PCDH7: variants seen among roughly 807,000 people sequenced by gnomAD.
The protein encoded by PCDH7 is protocadherin-7.
A neutral mutation model predicts 58.9 loss-of-function variants in PCDH7; 17 were observed. The observed-to-expected ratio is 0.29, with a 90% CI of 0.20 to 0.43. PCDH7 has a LOEUF of 0.43. Among genes scored for constraint, PCDH7 ranks in the 20% least tolerant of loss-of-function variants. The pLI is 1.00. For missense variants in PCDH7, 1,274 were observed against 1,441.0 expected, an observed-to-expected ratio of 0.88 and a Z score of 1.88; for synonymous variants, 664 against 616.4, an observed-to-expected ratio of 1.08 and a Z score of -1.14.
intron 3 of PCDH7, among the ~76,000 whole-genome samples, chr4:30,964,281 T>C (rs5029750): frequency 6.7e-6 from 1 of 149,362 alleles, no homozygotes; most frequent in East Asian, 2.0e-4. Context: ...TGGCTCTGTC[T>C]CCCAGGCTGG....
At chr4:31,130,377 G>A (rs1173022110) in intron 3 of PCDH7, among the ~76,000 whole-genome samples, 2 of 152,092 alleles carry the variant, frequency 1.3e-5, no homozygotes, top group East Asian at 1.9e-4. Flanking sequence ...ATTCTTTAGT[G>A]TATTCTAAAA....
chr4:30,991,727 T>C (rs1049123377), intron 3 of PCDH7, among the ~76,000 whole-genome samples: 2 of 152,148 alleles, frequency 1.3e-5, no homozygotes, highest in Non-Finnish European at 2.9e-5. Context: ...TTCTAGATTA[T>C]TTTTCTTGGC....
At chr4:31,054,335 C>T (rs1000457002) in intron 3 of PCDH7, among the ~76,000 whole-genome samples, 4 of 152,170 alleles carry the variant, frequency 2.6e-5, no homozygotes, top group African/African-American at 7.2e-5. Context: ...AAAGCAGCCA[C>T]AACAAATTTA....
At chr4:31,091,654 G>A (rs1233050627) in intron 3 of PCDH7, among the ~76,000 whole-genome samples, 2 of 151,820 alleles carry the variant, frequency 1.3e-5, no homozygotes, top group African/African-American at 2.4e-5. Context: ...TGATGAAAAA[G>A]AATTTTATAT....
At chr4:30,735,493 T>A (rs1025796978), downstream of PCDH7, among the ~76,000 whole-genome samples, 26 of 152,148 alleles carry the variant, frequency 1.7e-4, no homozygotes, top group Admixed American at 1.6e-3. Flanking sequence ...GAAGGACTCC[T>A]CCTTTAAAGT....
chr4:30,977,722 T>C (rs1187716987), intron 3 of PCDH7, among the ~76,000 whole-genome samples: 3 of 152,164 alleles, frequency 2.0e-5, no homozygotes, highest in African/African-American at 7.2e-5. Flanking sequence ...GTGTGAGTCA[T>C]GGAGGTTTTG....
At chr4:30,964,059 A>G (rs1748741405) in intron 3 of PCDH7, among the ~76,000 whole-genome samples, 2 of 152,222 alleles carry the variant, frequency 1.3e-5, no homozygotes, top group Middle Eastern at 3.4e-3. Flanking sequence ...TGCATTGTCT[A>G]TTGGCATTGA....
At chr4:30,912,779 G>T (rs1741963087) in intron 1 of PCDH7, among the ~76,000 whole-genome samples, 1 of 152,124 alleles carries the variant, frequency 6.6e-6, no homozygotes, top group South Asian at 2.1e-4. Flanking sequence ...AGTGTCACTA[G>T]GTTATAAAAA....
chr4:31,111,437 T>C (rs1316041129), intron 3 of PCDH7, among the ~76,000 whole-genome samples: 1 of 151,934 alleles, frequency 6.6e-6, no homozygotes, highest in Non-Finnish European at 1.5e-5. Flanking sequence ...GCCTCCCAAG[T>C]AGCAGGGATT....
intron 3 of PCDH7, among the ~76,000 whole-genome samples, chr4:31,106,876 T>C (rs1028941643): frequency 4.6e-5 from 7 of 152,234 alleles, no homozygotes; most frequent in Admixed American, 6.5e-5. Context: ...GACATTAGTC[T>C]GTAGATTTTG....
At chr4:31,031,120 T>C (rs998941431) in intron 3 of PCDH7, among the ~76,000 whole-genome samples, 2 of 152,208 alleles carry the variant, frequency 1.3e-5, no homozygotes, top group African/African-American at 2.4e-5. Context: ...AAGATCATAT[T>C]TGATGTAGGC....
chr4:31,063,328 C>T (rs371672595), intron 3 of PCDH7, among the ~76,000 whole-genome samples: 21 of 151,628 alleles, frequency 1.4e-4, no homozygotes, highest in Admixed American at 2.0e-4. Context: ...TTTCTAATGC[C>T]GACAAATTTT....
At chr4:30,837,844 T>C (rs1189966093) in intron 1 of PCDH7, among the ~76,000 whole-genome samples, 1 of 149,050 alleles carries the variant, frequency 6.7e-6, no homozygotes, top group African/African-American at 2.4e-5. Context: ...CTAAAAATAA[T>C]TGATTTTATA....
chr4:30,763,675 C>T (rs1304161489), intron 1 of PCDH7, among the ~76,000 whole-genome samples: 1 of 152,162 alleles, frequency 6.6e-6, no homozygotes, highest in Non-Finnish European at 1.5e-5. Flanking sequence ...CTCAGTATTT[C>T]TCAAATCCCT....
chr4:31,080,382 G>T (rs1416123633), intron 3 of PCDH7, among the ~76,000 whole-genome samples: 1 of 151,870 alleles, frequency 6.6e-6, no homozygotes, highest in Admixed American at 6.6e-5. Flanking sequence ...AAAAATATCA[G>T]AATTTCTTGA....
At chr4:31,069,830 CTAATATAT>C (rs1758394785) in intron 3 of PCDH7, among the ~76,000 whole-genome samples, 1 of 92,168 alleles carries the variant, frequency 1.1e-5, no homozygotes, top group Non-Finnish European at 2.3e-5. Context: ...TGGCTATTTT[CTAATATAT>C]ATTTTATATA....
intron 1 of PCDH7, among the ~76,000 whole-genome samples, chr4:30,791,673 G>T (rs1724137202): frequency 6.6e-6 from 1 of 152,136 alleles, no homozygotes; most frequent in Non-Finnish European, 1.5e-5. Flanking sequence ...TCCAGTTTCT[G>T]GTCTGCTATA....
intron 3 of PCDH7, among the ~76,000 whole-genome samples, chr4:31,064,170 G>A (rs1166995470): frequency 6.6e-6 from 1 of 151,918 alleles, no homozygotes; most frequent in African/African-American, 2.4e-5. Flanking sequence ...ATTGCCAACA[G>A]AAGAAAATCA....
At chr4:30,724,320 T>A in exon 1 of PCDH7, 1 of 1,613,998 alleles carries the variant, frequency 6.2e-7, no homozygotes, top group South Asian at 1.1e-5. Flanking sequence ...GGTATGATAG[T>A]GTCAATGAGA....
Sources: gnomAD v4.1 joint callset for allele counts (sites outside exome capture counted in the v4.1 genomes callset) on GRCh38, gnomAD v4.1.1 for gene constraint, MANE v1.5 for transcripts, NCBI Gene and HGNC (gene_info 2026-07-23, HGNC 2026-07-21) for gene names.